The following FKTN variants were observed in gnomAD, a reference collection of about 807,000 sequenced individuals.
FKTN encodes the protein fukutin, also known as ribitol-5-phosphate transferase FKTN.
Under a neutral mutation model 58.6 loss-of-function variants are expected in FKTN, and 47 were observed. The observed-to-expected ratio is 0.80, with a 90% CI of 0.63 to 1.02. The LOEUF is 1.02. Ranked by LOEUF, FKTN falls within the 50% of genes least tolerant of loss-of-function variation. FKTN has a pLI of 0.00. For synonymous variants in FKTN, 178 were observed against 191.9 expected, an observed-to-expected ratio of 0.93 and a Z score of 0.60; for missense variants, 516 against 537.3, an observed-to-expected ratio of 0.96 and a Z score of 0.39.
chr9:105,614,976 C>T (rs113792010), intron 7 of FKTN, among the ~76,000 whole-genome samples: 4 of 151,912 alleles, frequency 2.6e-5, no homozygotes, highest in East Asian at 3.9e-4. Context: ...CTCCACCTCC[C>T]GGGTTCAAGT....
intron 7 of FKTN, among the ~76,000 whole-genome samples, chr9:105,609,217 G>T (rs142387968): frequency 1.3e-5 from 2 of 152,238 alleles, no homozygotes; most frequent in East Asian, 3.9e-4. Flanking sequence ...AGTCTTAAAT[G>T]TAATGCTTGG....
At chr9:105,571,777 A>G (rs1446468624) in intron 1 of FKTN, among the ~76,000 whole-genome samples, 2 of 152,176 alleles carry the variant, frequency 1.3e-5, no homozygotes, top group African/African-American at 4.8e-5. Context: ...TCTCCTTGTT[A>G]ATCTTGTGAG....
chr9:105,615,009 G>C (rs908369763), intron 7 of FKTN, among the ~76,000 whole-genome samples: 1 of 149,470 alleles, frequency 6.7e-6, no homozygotes, highest in African/African-American at 2.5e-5. Context: ...TCAACCTCTC[G>C]AGTAGCTGGA....
At chr9:105,581,573 T>A (rs1030505915) in intron 3 of FKTN, among the ~76,000 whole-genome samples, 3 of 151,962 alleles carry the variant, frequency 2.0e-5, no homozygotes, top group Non-Finnish European at 4.4e-5. Flanking sequence ...TCTTCAAAGC[T>A]GTCAGACAGG....
chr9:105,563,897 C>T (rs894044563), intron 1 of FKTN, among the ~76,000 whole-genome samples: 1 of 152,192 alleles, frequency 6.6e-6, no homozygotes, highest in Admixed American at 6.5e-5. Flanking sequence ...CTGGGAGGCA[C>T]CCCACAGTAG....
chr9:105,567,637 A>G (rs908550683), intron 1 of FKTN, among the ~76,000 whole-genome samples: 14 of 152,190 alleles, frequency 9.2e-5, no homozygotes, highest in African/African-American at 3.4e-4. Context: ...CAACGAAATA[A>G]AAGAGGACAC....
At chr9:105,570,802 A>G (rs1024238465) in intron 1 of FKTN, among the ~76,000 whole-genome samples, 1 of 152,186 alleles carries the variant, frequency 6.6e-6, no homozygotes, top group African/African-American at 2.4e-5. Context: ...CTGGAAGAAT[A>G]TTGAAGACTT....
At chr9:105,592,916 C>T (rs905705387) in intron 3 of FKTN, among the ~76,000 whole-genome samples, 2 of 152,212 alleles carry the variant, frequency 1.3e-5, no homozygotes, top group Non-Finnish European at 2.9e-5. Context: ...TTCCTGTCTT[C>T]TTCTGAGCCC....
intron 3 of FKTN, among the ~76,000 whole-genome samples, chr9:105,581,834 G>A (rs1842989465): frequency 6.6e-6 from 1 of 152,226 alleles, no homozygotes; most frequent in Non-Finnish European, 1.5e-5. Flanking sequence ...GTGGGCGTAG[G>A]ACCCTCCGAG....
intron 3 of FKTN, among the ~76,000 whole-genome samples, chr9:105,585,424 A>G (rs1564247079): frequency 6.6e-6 from 1 of 152,196 alleles, no homozygotes; most frequent in Non-Finnish European, 1.5e-5. Context: ...GTCTCAAAAA[A>G]TAAATAAATA....
chr9:105,614,463 A>G (rs1286654139), intron 7 of FKTN, among the ~76,000 whole-genome samples: 2 of 152,192 alleles, frequency 1.3e-5, no homozygotes, highest in Non-Finnish European at 2.9e-5. Flanking sequence ...TTCCTCATAG[A>G]AAGTGAGGAT....
intron 1 of FKTN, among the ~76,000 whole-genome samples, chr9:105,558,999 G>T (rs1423068180): frequency 6.6e-6 from 1 of 152,168 alleles, no homozygotes; most frequent in Non-Finnish European, 1.5e-5. Flanking sequence ...GGAAGTGCAG[G>T]GTGTTCTGAC....
chr9:105,602,587 G>A (rs199549162), intron 5 of FKTN, among the ~76,000 whole-genome samples: 4 of 152,304 alleles, frequency 2.6e-5, no homozygotes, highest in South Asian at 4.1e-4. Context: ...ACGGAGTCTC[G>A]CTGTGTCACC....
chr9:105,636,569 T>G lies in FKTN; in HGVS notation c.*1305T>G, dbSNP rs1189756196. The G allele has an allele frequency of 7.6e-6, 8 of 1,057,548 alleles. No homozygotes were observed. The highest frequency in any genetic ancestry group is 9.3e-6 in the Non-Finnish European group (8 of 859,434). 65.5% of individuals were successfully genotyped at this position (1,057,548 alleles called of 1,614,324 possible). A position where few individuals can be genotyped will look rare whatever the true frequency, so the allele number is the denominator to read the frequency against. ...AAGATGTCTGAGTCAGCTAGGATGCTGTTTACCCCATCTCTCTCTTATATC... is the reference window on the plus strand; with the variant it reads ...AAGATGTCTGAGTCAGCTAGGATGCGGTTTACCCCATCTCTCTCTTATATC... On this transcript the variant is annotated 3_prime_UTR_variant, in exon 11 of 11. Coordinates refer to ENST00000357998, the MANE Select transcript of FKTN (RefSeq NM_001079802.2).
chr9:105,568,440 T>C (rs1036170623), intron 1 of FKTN, among the ~76,000 whole-genome samples: 4 of 151,710 alleles, frequency 2.6e-5, no homozygotes, highest in Admixed American at 2.6e-4. Context: ...TCAAACAAAT[T>C]TACAAGAAAA....
At chr9:105,577,224 T>A (rs950129400) in intron 3 of FKTN, among the ~76,000 whole-genome samples, 18 of 150,626 alleles carry the variant, frequency 1.2e-4, no homozygotes, top group African/African-American at 4.2e-4. Context: ...TTTGGTGTTT[T>A]GGACATGAAG....
In FKTN at chr9:105,615,697, T is replaced by G. The variant is rs112299748; in HGVS notation, c.910+290T>G. On this transcript the variant is annotated intron_variant, in intron 8 of 10. Coordinates refer to ENST00000357998, the MANE Select transcript of FKTN (RefSeq NM_001079802.2). ...CTATACAATAGTCCCCCCTTATCCATGGACAATACATTCCAAGACCACCAG... is the reference window on the plus strand; with the variant it reads ...CTATACAATAGTCCCCCCTTATCCAGGGACAATACATTCCAAGACCACCAG... 4.3e-3 allele frequency among the ~76,000 whole-genome samples: 649 copies of G among 152,306 alleles called. 8 individuals are homozygous for G. The highest frequency in any genetic ancestry group is 0.015 in the African/African-American group (610 of 41,566).
intron 10 of FKTN, among the ~76,000 whole-genome samples, chr9:105,627,301 TG>T (rs1190320486): frequency 6.6e-6 from 1 of 152,134 alleles, no homozygotes; most frequent in East Asian, 1.9e-4. Context: ...TGATTTTTGG[TG>T]AATAAAAAGT....
intron 1 of FKTN, among the ~76,000 whole-genome samples, chr9:105,563,001 C>T (rs908510618): frequency 1.3e-5 from 2 of 152,220 alleles, no homozygotes; most frequent in African/African-American, 2.4e-5. Context: ...CTTGATATAT[C>T]ATTCATTCAT....
Sources: allele counts gnomAD v4.1 joint callset (sites outside exome capture counted in the v4.1 genomes callset), GRCh38; gene constraint gnomAD v4.1.1; transcripts MANE v1.5; gene names NCBI Gene and HGNC (gene_info 2026-07-23, HGNC 2026-07-21).